The following ITGA8 variants were observed in gnomAD, a reference collection of about 807,000 sequenced individuals.
ITGA8 encodes the protein integrin subunit alpha 8, also known as integrin alpha-8.
In ITGA8, 91 loss-of-function variants were observed where a neutral mutation model predicts 142.3. That is an observed-to-expected ratio of 0.64 (90% CI 0.54 to 0.76). The LOEUF (loss-of-function observed/expected upper bound fraction) is 0.76. ITGA8 is among the 30% of genes least tolerant of loss of function. ITGA8 has a pLI of 0.00. For synonymous variants in ITGA8, 505 were observed against 485.2 expected, an observed-to-expected ratio of 1.04 and a Z score of -0.54; for missense variants, 1,406 against 1,327.7, an observed-to-expected ratio of 1.06 and a Z score of -0.92.
At chr10:15,628,478 G>C (rs568315222) in intron 13 of ITGA8, among the ~76,000 whole-genome samples, 313 of 151,320 alleles carry the variant, frequency 2.1e-3, no homozygotes, top group Middle Eastern at 3.4e-3. Flanking sequence ...GACTACAGGC[G>C]CCCACCACCA....
At chr10:15,668,936 T>C (rs1287576178) in intron 8 of ITGA8, among the ~76,000 whole-genome samples, 2 of 152,228 alleles carry the variant, frequency 1.3e-5, no homozygotes, top group Non-Finnish European at 2.9e-5. Flanking sequence ...GACCTTTCTC[T>C]CTGGCTGCCC....
intron 26 of ITGA8, among the ~76,000 whole-genome samples, chr10:15,549,609 G>A (rs562508318): frequency 1.7e-4 from 26 of 152,186 alleles, no homozygotes; most frequent in African/African-American, 6.3e-4. Flanking sequence ...TTCTCTAATT[G>A]TACTCCATCA....
chr10:15,586,545 T>C lies in ITGA8; in HGVS notation c.2372+39A>G, dbSNP rs376857467. The C allele has an allele frequency of 3.4e-6, 4 of 1,177,088 alleles. No individual in the cohort carries two copies. In the African/African-American group the frequency reaches 4.5e-5, roughly 13 times the overall value. The allele number at this position is 1,177,088 out of a possible 1,614,324, so 72.9% of individuals were successfully genotyped here. A position where few individuals can be genotyped will look rare whatever the true frequency, so the allele number is the denominator to read the frequency against. On this transcript the variant is annotated intron_variant, in intron 23 of 29. Transcript: ENST00000378076. ...ACTAGTATTTTATCTTAACTCTACA[T>C]ACAGAAGGATATTGTACTATGCATT...
chr10:15,611,339 A>G (rs1045724690), intron 15 of ITGA8, among the ~76,000 whole-genome samples: 1 of 152,180 alleles, frequency 6.6e-6, no homozygotes, highest in African/African-American at 2.4e-5. Context: ...CAATAGAAAC[A>G]AATATAATTG....
intron 13 of ITGA8, among the ~76,000 whole-genome samples, chr10:15,633,257 AG>A (rs1268380251): frequency 6.6e-6 from 1 of 152,162 alleles, no homozygotes; most frequent in Non-Finnish European, 1.5e-5. Context: ...TGAAAAAACT[AG>A]GAAGCATTTC....
At chr10:15,525,125 C>T (rs1012398442) in intron 28 of ITGA8, among the ~76,000 whole-genome samples, 21 of 152,130 alleles carry the variant, frequency 1.4e-4, no homozygotes, top group African/African-American at 5.1e-4. Context: ...CCTCCTGCTT[C>T]AGCCTCTTGA....
chr10:15,535,707 A>C (rs1833416913), intron 27 of ITGA8, among the ~76,000 whole-genome samples: 1 of 152,156 alleles, frequency 6.6e-6, no homozygotes, highest in Admixed American at 6.5e-5. Context: ...CTCTCTGTAA[A>C]ATGGACCAAT....
Position 15,623,549 on chromosome 10 carries a change from G to A in ITGA8, c.1400-6990C>T, listed in dbSNP as rs1017123504. On this transcript the variant is annotated intron_variant, in intron 13 of 29. Coordinates refer to ENST00000378076, the MANE Select transcript of ITGA8 (RefSeq NM_003638.3). ...AAAAATACAAAAATTAGCCTGGTGTGGTGGCAGTTGCCTTTAATCCCAGCT... is the reference window on the plus strand; with the variant it reads ...AAAAATACAAAAATTAGCCTGGTGTAGTGGCAGTTGCCTTTAATCCCAGCT... Among the ~76,000 whole-genome samples, 11 of 152,086 alleles carry A rather than the reference G, an allele frequency of 7.2e-5. No individual in the cohort carries two copies. The South Asian group carries it at 1.2e-3, about 17-fold the overall frequency.
intron 8 of ITGA8, among the ~76,000 whole-genome samples, chr10:15,668,541 T>C (rs1166596534): frequency 6.6e-5 from 10 of 152,080 alleles, no homozygotes; most frequent in Non-Finnish European, 1.0e-4. Context: ...TATTTTTATG[T>C]GTGAATTTGA....
chr10:15,597,994 G>T (rs1833037065), intron 20 of ITGA8, among the ~76,000 whole-genome samples: 1 of 152,134 alleles, frequency 6.6e-6, no homozygotes, highest in African/African-American at 2.4e-5. Flanking sequence ...TGGAACAGTT[G>T]CCCTTGGCTT....
At chr10:15,688,813 A>C (rs138537971) in intron 2 of ITGA8, among the ~76,000 whole-genome samples, 2 of 152,314 alleles carry the variant, frequency 1.3e-5, no homozygotes, top group East Asian at 3.9e-4. Flanking sequence ...TCAACATAAA[A>C]ACTCTTTAAA....
chr10:15,677,404 T>C (rs1177474078), intron 6 of ITGA8, among the ~76,000 whole-genome samples, 188 bp downstream of exon 6: 1 of 152,142 alleles, frequency 6.6e-6, no homozygotes, highest in African/African-American at 2.4e-5. Context: ...CCCATAAATA[T>C]GTACAATTGT....
Position 15,665,737 on chromosome 10 carries a change from C to G in ITGA8, c.848-4815G>C, listed in dbSNP as rs567520597. Among the ~76,000 whole-genome samples the G allele has an allele frequency of 1.1e-3, 175 of 152,294 alleles. 1 individual carries two copies. The highest frequency in any genetic ancestry group is 2.5e-3 in the South Asian group (12 of 4,824). On this transcript the variant is annotated intron_variant, in intron 8 of 29. Transcript: ENST00000378076. ...ATGAGTTTCAGCTTTCTACATATGG[C>G]TAGCCAGTTTTCCCAGCACCATTTA...
At chr10:15,549,199 C>CTTTTTTTT (rs1564346419) in intron 26 of ITGA8, among the ~76,000 whole-genome samples, 1 of 48,846 alleles carries the variant, frequency 2.0e-5, no homozygotes, top group African/African-American at 8.7e-5. Flanking sequence ...CTTTTCTTTT[C>CTTTTTTTT]TGTTTTTTTT....
At chr10:15,669,775 C>A (rs1389120623) in intron 8 of ITGA8, among the ~76,000 whole-genome samples, 2 of 152,164 alleles carry the variant, frequency 1.3e-5, no homozygotes, top group African/African-American at 4.8e-5. Flanking sequence ...TGCTAGAGGT[C>A]CACTCCAGAC....
chr10:15,537,971 CAAAA>C (rs781560418), intron 27 of ITGA8, among the ~76,000 whole-genome samples: 1 of 135,704 alleles, frequency 7.4e-6, no homozygotes, highest in East Asian at 2.0e-4. Context: ...CAAAACAAAA[CAAAA>C]AAAAAACACA....
intron 26 of ITGA8, among the ~76,000 whole-genome samples, chr10:15,552,622 T>C (rs1024031160): frequency 6.6e-6 from 1 of 152,184 alleles, no homozygotes; most frequent in Non-Finnish European, 1.5e-5. Flanking sequence ...GCCATGGTGG[T>C]TTGCTGCACC....
intron 6 of ITGA8, among the ~76,000 whole-genome samples, chr10:15,673,845 G>A (rs1834575383): frequency 6.6e-6 from 1 of 152,170 alleles, no homozygotes; most frequent in African/African-American, 2.4e-5. Flanking sequence ...GTCACTGTCA[G>A]AAGTCTTGAA....
chr10:15,608,257 G>T lies in ITGA8; in HGVS notation c.1587C>A (p.Gly529=), dbSNP rs1266671422. 2.5e-6 allele frequency: 4 copies of T among 1,597,078 alleles called. No homozygotes were observed. Among genetic ancestry groups the T allele is most frequent in the Non-Finnish European group, 3.4e-6 (4 of 1,172,768 alleles). The change falls in exon 16 of 30, where the codon GGC becomes GGA. Residue 529 remains glycine (G), a synonymous_variant. Transcript: ENST00000378076. ...FSLRVCASVT[G]QSIANTIVLM... ...TACCTATTGTGTTTGCAATGCTCTG[G>T]CCTGTGACAGATGCACATACTCTTA...
Sources: allele counts gnomAD v4.1 joint callset (sites outside exome capture counted in the v4.1 genomes callset), GRCh38; gene constraint gnomAD v4.1.1; transcripts MANE v1.5; gene names NCBI Gene and HGNC (gene_info 2026-07-23, HGNC 2026-07-21).